The following STARD13 variants were observed in gnomAD, a reference collection of about 807,000 sequenced individuals.
STARD13 encodes stAR-related lipid transfer protein 13.
Under a neutral mutation model 106.4 loss-of-function variants are expected in STARD13, and 62 were observed. The observed-to-expected ratio is 0.58, with a 90% confidence interval of 0.48 to 0.72. STARD13 has a LOEUF of 0.72. Ranked by LOEUF, STARD13 falls within the 30% of genes least tolerant of loss-of-function variation. The probability of loss-of-function intolerance (pLI) is 0.00; values close to 1 mark genes in which losing one functional copy is unlikely to be tolerated. For synonymous variants in STARD13, 565 were observed against 553.0 expected (o/e 1.02, Z -0.31); for missense variants, 1,387 against 1,424.0 (o/e 0.97, Z 0.42).
At chr13:33,524,282 C>T in the STARD13 span, 2 of 1,280,342 alleles carry the variant, frequency 1.6e-6, no homozygotes, top group South Asian at 2.5e-5. Context: ...CTTGGCACAC[C>T]ATCAAGATTC....
chr13:33,246,023 GA>G (rs1157450756), intron 1 of STARD13, among the ~76,000 whole-genome samples: 1 of 152,174 alleles, frequency 6.6e-6, no homozygotes, highest in Non-Finnish European at 1.5e-5. Flanking sequence ...AAGGATATTT[GA>G]AGGGTGCAGG....
intron 1 of STARD13, among the ~76,000 whole-genome samples, chr13:33,196,070 A>G (rs1424733899): frequency 1.3e-5 from 2 of 152,254 alleles, no homozygotes; most frequent in Non-Finnish European, 2.9e-5. Flanking sequence ...AAAATTTCGT[A>G]TTAAAATATT....
the STARD13 span, among the ~76,000 whole-genome samples, chr13:33,516,490 C>T: frequency 7.2e-5 from 11 of 152,014 alleles, no homozygotes; most frequent in South Asian, 8.3e-4. Flanking sequence ...TCTTCCTTTG[C>T]CAGGCTATTT....
intron 1 of STARD13, among the ~76,000 whole-genome samples, chr13:33,241,965 G>A (rs918837712): frequency 9.9e-4 from 150 of 151,998 alleles, no homozygotes; most frequent in African/African-American, 3.3e-3. Flanking sequence ...CCGCCACCCC[G>A]TCTGGGAAGT....
chr13:33,240,599 T>G (rs1889425026), intron 1 of STARD13, among the ~76,000 whole-genome samples: 1 of 152,200 alleles, frequency 6.6e-6, no homozygotes, highest in South Asian at 2.1e-4. Flanking sequence ...TTTTGCCTTT[T>G]GGTTAAGTTT....
the STARD13 span, among the ~76,000 whole-genome samples, chr13:33,574,857 TTTG>T: frequency 9.9e-5 from 15 of 152,138 alleles, no homozygotes; most frequent in African/African-American, 3.1e-4. Flanking sequence ...AATAGCATAA[TTTG>T]TTGTTATACT....
the STARD13 span, among the ~76,000 whole-genome samples, chr13:33,622,917 TAA>T: frequency 1.1e-4 from 14 of 121,764 alleles, no homozygotes; most frequent in East Asian, 2.3e-4. Context: ...AAACTCTGTC[TAA>T]AAAAAAAAAA....
At chr13:33,117,983 T>C (rs1875643823) in intron 8 of STARD13, 82 bp downstream of exon 8, 2 of 1,590,524 alleles carry the variant, frequency 1.3e-6, no homozygotes, top group African/African-American at 1.3e-5. Context: ...ATTCGTATAA[T>C]TAAAACTCAA....
rs1373464525 is a variant in STARD13 at position 33,103,914 on chromosome 13, C to T, written c.*1679G>A. ...AAGGTAAATTATGGATTTACTGCTTCCTTCTTAGGTAGATATGGGAATGAA... is the reference window on the plus strand; with the variant it reads ...AAGGTAAATTATGGATTTACTGCTTTCTTCTTAGGTAGATATGGGAATGAA... On this transcript the variant is annotated 3_prime_UTR_variant, in exon 14 of 14. Coordinates refer to ENST00000336934, the MANE Select transcript of STARD13 (RefSeq NM_178006.4). 1 of 152,194 alleles carries T rather than the reference C, an allele frequency of 6.6e-6. No homozygotes were observed. The highest frequency in any genetic ancestry group is 2.4e-5 in the African/African-American group (1 of 41,446). The allele number at this position is 152,194 out of a possible 1,614,324, so 9.4% of individuals were successfully genotyped here.
chr13:33,664,479 C>T, the STARD13 span, among the ~76,000 whole-genome samples: 1 of 152,194 alleles, frequency 6.6e-6, no homozygotes, highest in East Asian at 1.9e-4. Context: ...AATGCATTCA[C>T]AGTTTGCTGC....
At chr13:33,531,817 T>C in the STARD13 span, among the ~76,000 whole-genome samples, 1,675 of 152,312 alleles carry the variant, frequency 0.011, 40 homozygotes, top group African/African-American at 0.038. Context: ...TCTTCCAAAC[T>C]GAGAATCTTG....
intron 1 of STARD13, chr13:33,350,279 G>A: frequency 6.5e-7 from 1 of 1,527,634 alleles, no homozygotes; most frequent in Non-Finnish European, 8.7e-7. Flanking sequence ...CGGCGTCTCC[G>A]GGGCACTGAC....
At chr13:33,588,963 CAT>C in the STARD13 span, among the ~76,000 whole-genome samples, 2 of 152,286 alleles carry the variant, frequency 1.3e-5, no homozygotes, top group Admixed American at 6.5e-5. Context: ...GAGACAGACA[CAT>C]ATAATTTCTT....
In STARD13 at chr13:33,163,686, T is replaced by TATATATATAACATATATATATAAAAC. The variant is rs1566038812; in HGVS notation, c.323+1650_323+1651insGTTTTATATATATATGTTATATATAT. On this transcript the variant is annotated intron_variant, in intron 3 of 13. Coordinates refer to ENST00000336934, the MANE Select transcript of STARD13 (RefSeq NM_178006.4). The stretch of plus-strand genomic sequence containing the variant: ...ATATATATAACATATATATAAAACA[T>TATATATATAACATATATATATAAAAC]ATATATATATAACATATATATAAAA... Among the ~76,000 whole-genome samples, 405 of 64,792 alleles carry TATATATATAACATATATATATAAAAC rather than the reference T, an allele frequency of 6.3e-3. 8 individuals are homozygous for TATATATATAACATATATATATAAAAC. The highest frequency in any genetic ancestry group is 0.028 in the African/African-American group (387 of 13,704). The allele number at this position is 64,792 out of a possible 152,430, so 42.5% of individuals were successfully genotyped here.
rs117694358 is a variant in STARD13, at chr13:33,279,479, A to G, written c.169+5991T>C. 10 of 152,350 alleles carry G rather than the reference A, an allele frequency of 6.6e-5. 1 individual carries two copies. In the East Asian group the frequency reaches 1.5e-3, roughly 24 times the overall value. The allele number at this position is 152,350 out of a possible 1,614,324, so 9.4% of individuals were successfully genotyped here. A position where few individuals can be genotyped will look rare whatever the true frequency, so the allele number is the denominator to read the frequency against. ...ACTTAAGCTAAAGTTACAGAACCCAAATTTGGCAACTGTCTGCATCTGAAC... is the reference window on the plus strand; with the variant it reads ...ACTTAAGCTAAAGTTACAGAACCCAGATTTGGCAACTGTCTGCATCTGAAC... On this transcript the variant is annotated intron_variant, in intron 1 of 13. Coordinates refer to ENST00000336934, the MANE Select transcript of STARD13 (RefSeq NM_178006.4).
the STARD13 span, among the ~76,000 whole-genome samples, chr13:33,552,631 A>G: frequency 3.3e-5 from 5 of 152,228 alleles, no homozygotes; most frequent in Admixed American, 3.3e-4. Flanking sequence ...AATGAATGAA[A>G]GGAGAAGCAC....
chr13:33,504,326 G>T, the STARD13 span, among the ~76,000 whole-genome samples: 6 of 151,988 alleles, frequency 3.9e-5, no homozygotes, highest in Admixed American at 3.9e-4. Context: ...TGCGGCACTA[G>T]TCACAATAGC....
At chr13:33,299,324 G>A (rs1407678194) in intron 1 of STARD13, among the ~76,000 whole-genome samples, 3 of 152,150 alleles carry the variant, frequency 2.0e-5, no homozygotes, top group African/African-American at 7.2e-5. Context: ...TCACAACAAT[G>A]AGCAAAATCT....
At chr13:33,552,122 G>C in the STARD13 span, among the ~76,000 whole-genome samples, 1 of 152,098 alleles carries the variant, frequency 6.6e-6, no homozygotes, top group South Asian at 2.1e-4. Context: ...ATATACCTCA[G>C]ATTTCCCCAA....
Sources: gnomAD v4.1 joint callset for allele counts (sites outside exome capture counted in the v4.1 genomes callset) on GRCh38, gnomAD v4.1.1 for gene constraint, MANE v1.5 for transcripts, NCBI Gene and HGNC (gene_info 2026-07-23, HGNC 2026-07-21) for gene names.